GABRB1: variants seen among roughly 807,000 people sequenced by gnomAD.
GABRB1 encodes gamma-aminobutyric acid type A receptor subunit beta1, also known as gamma-aminobutyric acid receptor subunit beta-1.
A neutral mutation model predicts 51.6 loss-of-function variants in GABRB1; 17 were observed. That is an observed-to-expected ratio of 0.33 (90% confidence interval 0.23 to 0.49). The LOEUF (loss-of-function observed/expected upper bound fraction) is 0.49, where lower values mean the gene tolerates loss of function less well. Ranked by LOEUF, GABRB1 falls within the 20% of genes least tolerant of loss-of-function variation. The pLI is 0.99. For synonymous variants in GABRB1, 247 were observed against 218.9 expected (o/e 1.13, Z -1.14); for missense variants, 410 against 600.6 (o/e 0.68, Z 3.32).
intron 3 of GABRB1, among the ~76,000 whole-genome samples, chr4:47,096,675 A>C (rs1202905943): frequency 1.3e-5 from 2 of 152,156 alleles, no homozygotes; most frequent in Non-Finnish European, 2.9e-5. Context: ...ACTTTTTCCC[A>C]GATGTGGTAA....
intron 4 of GABRB1, 46 bp downstream of exon 4, chr4:47,161,515 T>C (rs111269012): frequency 6.5e-7 from 1 of 1,539,868 alleles, no homozygotes; most frequent in Non-Finnish European, 8.9e-7. Flanking sequence ...GTTGTTTTGT[T>C]TCATTTTAAA....
intron 5 of GABRB1, among the ~76,000 whole-genome samples, chr4:47,358,687 T>C (rs1726680320): frequency 6.6e-6 from 1 of 152,124 alleles, no homozygotes; most frequent in Non-Finnish European, 1.5e-5. Flanking sequence ...GCAAAGACCC[T>C]ATCTCCAAAC....
chr4:47,348,423 T>C (rs1259171079), intron 5 of GABRB1, among the ~76,000 whole-genome samples: 1 of 152,208 alleles, frequency 6.6e-6, no homozygotes, highest in Non-Finnish European at 1.5e-5. Context: ...GTTCAATGTA[T>C]ATCAACTTTG....
chr4:47,223,741 TA>T (rs1720850897), intron 4 of GABRB1, among the ~76,000 whole-genome samples: 1 of 152,080 alleles, frequency 6.6e-6, no homozygotes. Context: ...TTTTCCTGTT[TA>T]AAAATATATG....
intron 4 of GABRB1, among the ~76,000 whole-genome samples, chr4:47,186,893 T>G (rs1246708645): frequency 6.6e-6 from 1 of 151,926 alleles, no homozygotes; most frequent in Non-Finnish European, 1.5e-5. Context: ...GCTTACTATA[T>G]GGCACACACT....
intron 1 of GABRB1, among the ~76,000 whole-genome samples, chr4:46,994,842 A>G (rs1202568596): frequency 1.3e-5 from 2 of 152,190 alleles, no homozygotes; most frequent in Non-Finnish European, 2.9e-5. Context: ...GATTTGTTCA[A>G]ATTGAGATGA....
chr4:47,396,696 G>A (rs55988607), intron 5 of GABRB1, among the ~76,000 whole-genome samples: 9,301 of 152,146 alleles, frequency 0.061, 373 homozygotes, highest in South Asian at 0.14. Flanking sequence ...CTTAAAATAG[G>A]AGTTGCTTGG....
chr4:47,244,622 G>C (rs1425278446), intron 4 of GABRB1, among the ~76,000 whole-genome samples: 3 of 152,108 alleles, frequency 2.0e-5, no homozygotes, highest in Non-Finnish European at 4.4e-5. Context: ...GAGGGTGTAT[G>C]TGTCCAGAAA....
At chr4:47,136,420 A>G (rs1157869885) in intron 3 of GABRB1, among the ~76,000 whole-genome samples, 1 of 152,140 alleles carries the variant, frequency 6.6e-6, no homozygotes, top group African/African-American at 2.4e-5. Flanking sequence ...ACAGCCTAAA[A>G]AAAATGGTAA....
chr4:47,170,617 G>A (rs1366927339), intron 4 of GABRB1, among the ~76,000 whole-genome samples: 4 of 152,072 alleles, frequency 2.6e-5, no homozygotes, highest in African/African-American at 9.7e-5. Context: ...AGATATGCTA[G>A]GTAAAAATAC....
chr4:47,261,151 G>A (rs949195042), intron 4 of GABRB1, among the ~76,000 whole-genome samples: 1 of 152,178 alleles, frequency 6.6e-6, no homozygotes, highest in African/African-American at 2.4e-5. Flanking sequence ...AGACAGGGAT[G>A]CCCTCTCTCA....
At chr4:47,425,470 TG>T (rs1490701714) in intron 8 of GABRB1, among the ~76,000 whole-genome samples, 1 of 122,400 alleles carries the variant, frequency 8.2e-6, no homozygotes, top group African/African-American at 3.1e-5. Context: ...GCAAGGTGGA[TG>T]GATGATGATG....
intron 5 of GABRB1, among the ~76,000 whole-genome samples, chr4:47,391,822 T>C (rs1260591095): frequency 6.6e-6 from 1 of 152,208 alleles, no homozygotes. Flanking sequence ...AACTTTACTA[T>C]AGACAGAATC....
At chr4:47,421,395 G>A (rs1240904801) in intron 8 of GABRB1, among the ~76,000 whole-genome samples, 2 of 152,012 alleles carry the variant, frequency 1.3e-5, no homozygotes, top group Non-Finnish European at 2.9e-5. Flanking sequence ...TTTACTTAGA[G>A]AGATTCATAA....
chr4:47,356,178 G>T (rs1726562493), intron 5 of GABRB1, among the ~76,000 whole-genome samples: 1 of 152,150 alleles, frequency 6.6e-6, no homozygotes, highest in Admixed American at 6.5e-5. Context: ...TAAGACTAAA[G>T]ACATCGTGTT....
At chr4:47,348,949 A>G (rs1726206700) in intron 5 of GABRB1, among the ~76,000 whole-genome samples, 1 of 152,210 alleles carries the variant, frequency 6.6e-6, no homozygotes, top group South Asian at 2.1e-4. Context: ...AGTATACAAT[A>G]TGAATAAGCA....
intron 3 of GABRB1, among the ~76,000 whole-genome samples, chr4:47,145,347 G>T (rs1560556708): frequency 6.6e-6 from 1 of 151,982 alleles, no homozygotes; most frequent in Non-Finnish European, 1.5e-5. Flanking sequence ...TGCCCATAGT[G>T]ACTCCACACT....
At position 47,229,652 on chromosome 4, in the gene GABRB1, C is replaced by A. The variant is rs189507340; in HGVS notation, c.461+68183C>A. Among the ~76,000 whole-genome samples, 302 of 152,024 alleles carry A rather than the reference C, an allele frequency of 2.0e-3. 2 individuals are homozygous for A. Among genetic ancestry groups the A allele is most frequent in the Non-Finnish European group, 2.1e-3 (146 of 68,010 alleles). On this transcript the variant is annotated intron_variant, in intron 4 of 8. Transcript: ENST00000295454. ...AGATACTGTGACTAAATTAATGATT[C>A]TTCGAGTTTATCCTGGATTTTCAAG...
chr4:47,322,970 A>AAAC (rs58096811), intron 5 of GABRB1, among the ~76,000 whole-genome samples: 4,969 of 150,136 alleles, frequency 0.033, 293 homozygotes, highest in East Asian at 0.28. Context: ...CTCCATTTCA[A>AAAC]AACAACAACA....
Sources: allele counts gnomAD v4.1 joint callset (sites outside exome capture counted in the v4.1 genomes callset), GRCh38; gene constraint gnomAD v4.1.1; transcripts MANE v1.5; gene names NCBI Gene and HGNC (gene_info 2026-07-23, HGNC 2026-07-21).